The following CLEC16A variants were observed in gnomAD, a reference collection of about 807,000 sequenced individuals.
CLEC16A encodes C-type lectin domain containing 16A.
Under a neutral mutation model 109.5 loss-of-function variants are expected in CLEC16A, and 51 were observed. The observed-to-expected ratio is 0.47, with a 90% CI of 0.37 to 0.59. The LOEUF is 0.59. CLEC16A is among the 20% of genes least tolerant of loss of function. The probability of loss-of-function intolerance (pLI) is 0.00; values close to 1 mark genes in which losing one functional copy is unlikely to be tolerated. For synonymous variants in CLEC16A, 673 were observed against 564.2 expected (o/e 1.19, Z -2.73); for missense variants, 1,339 against 1,394.0 (o/e 0.96, Z 0.63).
chr16:11,004,292 G>T (rs1239652481), intron 11 of CLEC16A, among the ~76,000 whole-genome samples: 1 of 152,218 alleles, frequency 6.6e-6, no homozygotes, highest in Non-Finnish European at 1.5e-5. Flanking sequence ...CACAGCTGGG[G>T]TCTCTGCCCG....
intron 4 of CLEC16A, among the ~76,000 whole-genome samples, chr16:10,970,209 A>T (rs1176445777): frequency 6.6e-6 from 1 of 152,196 alleles, no homozygotes; most frequent in Non-Finnish European, 1.5e-5. Context: ...GCTGGCATCC[A>T]TCCTCAGGTT....
At chr16:11,112,583 TG>T (rs1186888503) in intron 19 of CLEC16A, among the ~76,000 whole-genome samples, 1 of 151,784 alleles carries the variant, frequency 6.6e-6, no homozygotes, top group Non-Finnish European at 1.5e-5. Context: ...GAGGATCGCT[TG>T]GGTGCAAGAG....
rs2048449901 is a variant in CLEC16A, at chr16:11,060,976, G to T, written c.2070G>T (p.Leu690=). ...GGGAGCCTGAGACACAGTTGCCGCT[G>T]ACTCGGGAGGAGGACCTGATCAAGA... The part of the protein sequence containing the change: ...LRGEPETQLP[L]TREEDLIKTD... Residue 690 remains leucine, a synonymous_variant, in exon 19 of 24, where the codon CTG becomes CTT. Coordinates refer to ENST00000409790, the MANE Select transcript of CLEC16A (RefSeq NM_015226.3). 1.2e-6 allele frequency: 2 copies of T among 1,612,438 alleles called. No individual in the cohort carries two copies. The highest frequency in any genetic ancestry group is 1.7e-4 in the Middle Eastern group (1 of 6,060).
At chr16:10,951,881 T>A (rs920613220) in intron 1 of CLEC16A, among the ~76,000 whole-genome samples, 3 of 152,262 alleles carry the variant, frequency 2.0e-5, no homozygotes, top group Non-Finnish European at 4.4e-5. Context: ...GGAATCTTAA[T>A]GCCCTTCAAA....
chr16:11,164,737 G>A lies in CLEC16A; in HGVS notation c.2642-1651G>A, dbSNP rs569803746. 2.3e-4 allele frequency among the ~76,000 whole-genome samples: 35 copies of A among 152,362 alleles called. No individual in the cohort carries two copies. In the South Asian group the frequency reaches 6.4e-3, roughly 28 times the overall value. On this transcript the variant is annotated intron_variant, in intron 22 of 23. Transcript: ENST00000409790. ...CCATAGTCTCTGTAAACAAAGGACC[G>A]TGGCTTGTTCCAGTAAAACTTTACT... is the stretch of plus-strand genomic sequence containing the variant.
chr16:11,039,669 G>C, intron 13 of CLEC16A, 85 bp from the exon 14 acceptor site: 1 of 1,427,058 alleles, frequency 7.0e-7, no homozygotes, highest in Non-Finnish European at 9.3e-7. Flanking sequence ...CTGAAGTTGA[G>C]GAAACCCCAC....
At chr16:11,050,277 A>G (rs957009517) in intron 17 of CLEC16A, among the ~76,000 whole-genome samples, 1 of 152,132 alleles carries the variant, frequency 6.6e-6, no homozygotes, top group Admixed American at 6.5e-5. Flanking sequence ...GTTAGGCCCT[A>G]CCTCTCAGCA....
intron 13 of CLEC16A, chr16:11,036,223 A>C (rs1366799363): frequency 1.3e-5 from 2 of 152,174 alleles, no homozygotes; most frequent in Admixed American, 1.3e-4. Flanking sequence ...GGGCCCCTCC[A>C]CTGCATCACC....
At chr16:11,101,568 A>G (rs575909986) in intron 19 of CLEC16A, among the ~76,000 whole-genome samples, 1 of 152,208 alleles carries the variant, frequency 6.6e-6, no homozygotes, top group East Asian at 1.9e-4. Context: ...TGTCTCTCCA[A>G]CACCTTGGAT....
intron 11 of CLEC16A, among the ~76,000 whole-genome samples, 160 bp from the exon 12 acceptor site, chr16:11,020,033 C>T (rs1449081427): frequency 2.0e-5 from 3 of 152,204 alleles, no homozygotes; most frequent in Non-Finnish European, 4.4e-5. Context: ...TGTCTTATTT[C>T]CACCCCAGTG....
chr16:11,113,358 C>T (rs554780321), intron 19 of CLEC16A, among the ~76,000 whole-genome samples: 4 of 152,182 alleles, frequency 2.6e-5, no homozygotes, highest in African/African-American at 9.7e-5. Context: ...TACCTATTTT[C>T]CCTTTAGAAA....
At chr16:11,115,952 C>A (rs1483264385) in intron 19 of CLEC16A, among the ~76,000 whole-genome samples, 2 of 151,848 alleles carry the variant, frequency 1.3e-5, no homozygotes, top group African/African-American at 2.4e-5. Flanking sequence ...CTCAAGCAAT[C>A]CTCCCACCTT....
At chr16:11,060,830 C>A in intron 18 of CLEC16A, 72 bp from the exon 19 acceptor site, 1 of 1,396,674 alleles carries the variant, frequency 7.2e-7, no homozygotes, top group Non-Finnish European at 9.5e-7. Flanking sequence ...GGTGTCATTT[C>A]TGGGTGTGGG....
At chr16:10,952,231 C>T (rs2041771487) in intron 1 of CLEC16A, among the ~76,000 whole-genome samples, 1 of 152,220 alleles carries the variant, frequency 6.6e-6, no homozygotes, top group African/African-American at 2.4e-5. Flanking sequence ...AGTTGGCTCA[C>T]ACCTGTAATC....
At chr16:11,085,872 G>C (rs1039313035) in intron 19 of CLEC16A, among the ~76,000 whole-genome samples, 13 of 152,282 alleles carry the variant, frequency 8.5e-5, no homozygotes, top group African/African-American at 2.6e-4. Context: ...GATTACAGGC[G>C]TGAGCCACTG....
At chr16:11,099,093 C>T (rs1283224628) in intron 19 of CLEC16A, among the ~76,000 whole-genome samples, 5 of 131,462 alleles carry the variant, frequency 3.8e-5, no homozygotes. Context: ...TCATAACCCC[C>T]AGGCTGAGTG....
At chr16:10,957,688 G>A (rs2042054929) in intron 1 of CLEC16A, 94 bp from the exon 2 acceptor site, 5 of 1,295,614 alleles carry the variant, frequency 3.9e-6, no homozygotes, top group East Asian at 2.3e-5. Flanking sequence ...AAAAAGCATT[G>A]CTGCATTGTC....
At chr16:11,113,534 C>A (rs2051746433) in intron 19 of CLEC16A, among the ~76,000 whole-genome samples, 1 of 152,030 alleles carries the variant, frequency 6.6e-6, no homozygotes, top group Non-Finnish European at 1.5e-5. Flanking sequence ...TGGTGCATGC[C>A]TTTAGTCCCA....
chr16:11,161,335 A>G (rs2054714813), intron 22 of CLEC16A, among the ~76,000 whole-genome samples: 1 of 151,766 alleles, frequency 6.6e-6, no homozygotes, highest in Admixed American at 6.6e-5. Flanking sequence ...TTATGCAAAG[A>G]CTCCTCCCAG....
Sources: gnomAD v4.1 joint callset for allele counts (sites outside exome capture counted in the v4.1 genomes callset) on GRCh38, gnomAD v4.1.1 for gene constraint, MANE v1.5 for transcripts, NCBI Gene and HGNC (gene_info 2026-07-23, HGNC 2026-07-21) for gene names.